Variants in OCRL observed in about 807,000 individuals in gnomAD.
OCRL encodes the protein inositol polyphosphate 5-phosphatase OCRL.
A neutral mutation model predicts 78.9 loss-of-function variants in OCRL; 8 were observed. The ratio of observed to expected loss-of-function variants is 0.10; its 90% CI spans 0.06 to 0.18. The LOEUF is 0.18. Among genes scored for constraint, OCRL ranks in the 10% least tolerant of loss-of-function variants. OCRL has a pLI of 1.00. For missense variants in OCRL, 454 were observed against 696.7 expected, an observed-to-expected ratio of 0.65 and a Z score of 3.92; for synonymous variants, 240 against 235.4, an observed-to-expected ratio of 1.02 and a Z score of -0.18.
chrX:129,570,125 G>A (rs984477837), intron 15 of OCRL, among the ~76,000 whole-genome samples: 5 of 111,613 alleles, frequency 4.5e-5, no homozygotes, highest in African/African-American at 1.6e-4. Context: ...TGTGTTATTG[G>A]TATGTAGGTC....
chrX:129,540,631 G>A (rs1414418014), intron 1 of OCRL, 113 bp from the exon 2 acceptor site: 5 of 695,690 alleles, frequency 7.2e-6, no homozygotes, highest in Non-Finnish European at 1.1e-5. Flanking sequence ...AGCAGGGCGG[G>A]GCGGGGCGGG....
chrX:129,575,737 T>C, intron 16 of OCRL, 160 bp from the exon 17 acceptor site: 1 of 546,095 alleles, frequency 1.8e-6, no homozygotes, highest in Non-Finnish European at 3.1e-6. Flanking sequence ...TAATAATACA[T>C]GCAAGTGGAT....
intron 4 of OCRL, among the ~76,000 whole-genome samples, 164 bp downstream of exon 4, chrX:129,548,765 G>A (rs1935923310): frequency 8.9e-6 from 1 of 112,011 alleles, no homozygotes. Flanking sequence ...AAAACATGTA[G>A]GCTAAGCCTA....
chrX:129,568,138 G>T (rs5977107), intron 14 of OCRL, among the ~76,000 whole-genome samples: 148 of 109,040 alleles, frequency 1.4e-3, no homozygotes, highest in African/African-American at 4.6e-3. Flanking sequence ...GGATGGTCTC[G>T]ATCTCCTGAC....
In OCRL at chrX:129,545,039, T is replaced by A; in HGVS notation, c.199+2T>A. 1 of 1,006,050 alleles carries A rather than the reference T, an allele frequency of 9.9e-7. No individual in the cohort carries two copies. The highest frequency in any genetic ancestry group is 1.4e-6 in the Non-Finnish European group (1 of 708,701). 82.9% of individuals were successfully genotyped at this position (1,006,050 alleles called of 1,213,427 possible). A position where few individuals can be genotyped will look rare whatever the true frequency, so the allele number is the denominator to read the frequency against. Reference sequence around the variant, plus strand: ...ATAGCCACTTCAGATGTGTTCAAGGTACTAGCTTTAATTCCTTAGCTAGTT... The same window carrying A: ...ATAGCCACTTCAGATGTGTTCAAGGAACTAGCTTTAATTCCTTAGCTAGTT... On this transcript the variant is annotated splice_donor_variant, in intron 3 of 23. Transcript: ENST00000371113. LOFTEE classifies it high-confidence loss of function.
At chrX:129,553,072 T>C (rs1935988466) in intron 4 of OCRL, among the ~76,000 whole-genome samples, 1 of 112,203 alleles carries the variant, frequency 8.9e-6, no homozygotes. Context: ...AGATTTATGT[T>C]TGAACTTGAG....
intron 4 of OCRL, among the ~76,000 whole-genome samples, chrX:129,551,713 C>T (rs1459677187): frequency 1.8e-5 from 2 of 112,635 alleles, no homozygotes; most frequent in Non-Finnish European, 3.8e-5. Context: ...GGATTACAGG[C>T]GTGAGCCACC....
At chrX:129,586,098 A>G (rs1936509434) in intron 19 of OCRL, among the ~76,000 whole-genome samples, 1 of 111,343 alleles carries the variant, frequency 9.0e-6, no homozygotes, top group African/African-American at 3.3e-5. Context: ...TATTTCAAAC[A>G]TTTTTTCATG....
chrX:129,544,083 C>T (rs3131280), intron 2 of OCRL, among the ~76,000 whole-genome samples: 7,468 of 110,036 alleles, frequency 0.068, 549 homozygotes, highest in African/African-American at 0.21. Flanking sequence ...AGATGAAACT[C>T]GGAAAGAAAC....
chrX:129,587,091 T>C lies in OCRL; in HGVS notation c.2229T>C (p.Asp743=). The C allele has an allele frequency of 8.4e-7, 1 of 1,197,149 alleles. No homozygotes were observed. The highest frequency in any genetic ancestry group is 1.1e-6 in the Non-Finnish European group (1 of 882,181). The change falls in exon 20 of 24, where the codon GAT becomes GAC. Residue 743 remains aspartate (D), a synonymous_variant. Coordinates refer to ENST00000371113, the MANE Select transcript of OCRL (RefSeq NM_000276.4). ...QVPKEIWLLV[D]HLFKYACHQE... is the part of the protein sequence containing the mutation. The stretch of plus-strand genomic sequence containing the variant: ...CCAAGGAGATCTGGCTTCTAGTAGA[T>C]CACCTATTCAAATACGCCTGTCACC...
chrX:129,553,788 A>G (rs370449213), intron 4 of OCRL, among the ~76,000 whole-genome samples: 13 of 111,734 alleles, frequency 1.2e-4, no homozygotes, highest in African/African-American at 4.2e-4. Context: ...TAGGTGTGAA[A>G]CAGTTGTTTC....
At chrX:129,582,055 T>G (rs1417809331) in intron 18 of OCRL, among the ~76,000 whole-genome samples, 1 of 108,599 alleles carries the variant, frequency 9.2e-6, no homozygotes, top group Non-Finnish European at 1.9e-5. Context: ...ACATACCTTT[T>G]CAGATTTATT....
At position 129,557,011 on chromosome X, in the gene OCRL, T is replaced by G. The variant is rs752834929; in HGVS notation, c.239-314T>G. ...TTTGCTGGAATTTGAAGGTCCCTGC[T>G]TTGATGTCTGAGAGATAGATCAGAA... On this transcript the variant is annotated intron_variant, in intron 4 of 23. Transcript: ENST00000371113. Among the ~76,000 whole-genome samples, 9 of 111,847 alleles carry G rather than the reference T, an allele frequency of 8.0e-5. No individual in the cohort carries two copies. The East Asian group carries it at 2.5e-3, about 31-fold the overall frequency.
chrX:129,592,473 A>G lies in OCRL; in HGVS notation c.*2203A>G, dbSNP rs1463700281. On this transcript the variant is annotated 3_prime_UTR_variant, in exon 24 of 24. Coordinates refer to ENST00000371113, the MANE Select transcript of OCRL (RefSeq NM_000276.4). ...GTCTTGATCACTAAGCAAAGCTGCTAGTGGGATTCTATATTTCGTGTCATC... is the reference window on the plus strand; with the variant it reads ...GTCTTGATCACTAAGCAAAGCTGCTGGTGGGATTCTATATTTCGTGTCATC... 1.8e-5 allele frequency: 2 copies of G among 112,719 alleles called. No homozygotes were observed. The highest frequency in any genetic ancestry group is 6.5e-5 in the African/African-American group (2 of 30,930). 9.3% of individuals were successfully genotyped at this position (112,719 alleles called of 1,213,427 possible).
At chrX:129,557,233 CCTT>C (rs1285645068) in intron 4 of OCRL, 89 bp from the exon 5 acceptor site, 16 of 733,104 alleles carry the variant, frequency 2.2e-5, no homozygotes, top group Non-Finnish European at 3.0e-5. Context: ...GTGATCTGGA[CCTT>C]CTTCTGTTAA....
rs1936229755 is a variant in OCRL at position 129,567,349 on chromosome X, C to T, written c.1452C>T (p.Asp484=). Residue 484 remains aspartate, a synonymous_variant, in exon 14 of 24, where the codon GAC becomes GAT. Transcript: ENST00000371113. ...CTTATAAGTATGACTCTAAAACAGA[C>T]CGGTGGGATTCCAGGTAAAGTAATA... The part of the protein sequence containing the change: ...IPTYKYDSKT[D]RWDSSGKCRV... 2 of 1,167,134 alleles carry T rather than the reference C, an allele frequency of 1.7e-6. No homozygotes were observed. Among genetic ancestry groups the T allele is most frequent in the Middle Eastern group, 2.4e-4 (1 of 4,241 alleles).
chrX:129,567,297 A>G lies in OCRL; in HGVS notation c.1400A>G (p.Asn467Ser), dbSNP rs747775719. 8.3e-7 allele frequency: 1 copy of G among 1,210,046 alleles called. No individual in the cohort carries two copies. Among genetic ancestry groups the G allele is most frequent in the South Asian group, 1.8e-5 (1 of 56,920 alleles). ...CAGAAAAAAGCTTTTGTTGACTTCA[A>G]TGAAGGGGAAATCAAGTTCATCCCC... is the stretch of plus-strand genomic sequence containing the variant. ...RTQKKAFVDF[N>S]EGEIKFIPTY... The change falls in exon 14 of 24, where the codon AAT (asparagine) becomes AGT (serine). Residue 467 changes from asparagine (N) to serine (S), a missense_variant. Coordinates refer to ENST00000371113, the MANE Select transcript of OCRL (RefSeq NM_000276.4).
intron 4 of OCRL, among the ~76,000 whole-genome samples, chrX:129,554,909 G>T (rs1936016671): frequency 9.3e-6 from 1 of 107,093 alleles, no homozygotes; most frequent in South Asian, 4.1e-4. Context: ...CCGAGATCGC[G>T]GCATTGCATT....
intron 3 of OCRL, among the ~76,000 whole-genome samples, chrX:129,547,987 A>G (rs775801598): frequency 8.9e-6 from 1 of 112,077 alleles, no homozygotes; most frequent in Non-Finnish European, 1.9e-5. Context: ...CCAAACTTGC[A>G]GACTGCTTTG....
Sources: gnomAD v4.1 joint callset for allele counts (sites outside exome capture counted in the v4.1 genomes callset) on GRCh38, gnomAD v4.1.1 for gene constraint, MANE v1.5 for transcripts, NCBI Gene and HGNC (gene_info 2026-07-23, HGNC 2026-07-21) for gene names.